STPG2: variants seen among roughly 807,000 people sequenced by gnomAD.
The protein encoded by STPG2 is sperm tail PG-rich repeat containing 2, also known as sperm-tail PG-rich repeat-containing protein 2.
Under a neutral mutation model 54.2 loss-of-function variants are expected in STPG2, and 56 were observed. The observed-to-expected ratio is 1.03, with a 90% CI of 0.83 to 1.29. The LOEUF is 1.29. STPG2 is among the 50% of genes most tolerant of loss of function. STPG2 has a pLI of 0.00. For synonymous variants in STPG2, 200 were observed against 181.8 expected, an observed-to-expected ratio of 1.10 and a Z score of -0.81; for missense variants, 596 against 544.9, an observed-to-expected ratio of 1.09 and a Z score of -0.93.
At position 97,992,287 on chromosome 4, in the gene STPG2, A is replaced by T. The variant is rs6532710; in HGVS notation, c.613-10969T>A. Among the ~76,000 whole-genome samples, 272 of 152,048 alleles carry T rather than the reference A, an allele frequency of 1.8e-3. 1 individual carries two copies. The highest frequency in any genetic ancestry group is 7.7e-3 in the South Asian group (37 of 4,820). ...AGCAGATTTTTGTATACAATGAGAG[A>T]TGAGGATCCAGTTTCATTCATTCAC... On this transcript the variant is annotated intron_variant, in intron 5 of 10. Coordinates refer to ENST00000295268, the MANE Select transcript of STPG2 (RefSeq NM_174952.3).
intron 10 of STPG2, among the ~76,000 whole-genome samples, chr4:97,703,494 ATATACAG>A: frequency 7.1e-6 from 1 of 141,616 alleles, no homozygotes; most frequent in Non-Finnish European, 1.5e-5. Context: ...TATATATAGT[ATATACAG>A]TATATAGTAT....
At chr4:97,965,255 G>T (rs1734052048) in intron 7 of STPG2, among the ~76,000 whole-genome samples, 1 of 152,204 alleles carries the variant, frequency 6.6e-6, no homozygotes, top group South Asian at 2.1e-4. Context: ...AGAAATCTGA[G>T]ATCTACCTGC....
At chr4:97,523,413 C>T (rs1431813738) in intron 4 of STPG2, among the ~76,000 whole-genome samples, 1 of 151,874 alleles carries the variant, frequency 6.6e-6, no homozygotes, top group Non-Finnish European at 1.5e-5. Context: ...ATAATAGATC[C>T]TCAATAAATA....
chr4:97,818,329 A>G (rs1727978349), intron 9 of STPG2, among the ~76,000 whole-genome samples: 1 of 151,974 alleles, frequency 6.6e-6, no homozygotes, highest in Admixed American at 6.6e-5. Context: ...TTTTTCCTAT[A>G]TATACATATC....
intron 4 of STPG2, among the ~76,000 whole-genome samples, chr4:97,485,816 A>T (rs1259029326): frequency 6.6e-6 from 1 of 152,054 alleles, no homozygotes; most frequent in Non-Finnish European, 1.5e-5. Context: ...TAGTCACCAA[A>T]ACAGCATGGT....
At chr4:97,685,784 G>C (rs1560718465) in intron 10 of STPG2, among the ~76,000 whole-genome samples, 1 of 152,200 alleles carries the variant, frequency 6.6e-6, no homozygotes, top group Middle Eastern at 3.4e-3. Context: ...GCAGAACCTG[G>C]GGTTCTAATA....
chr4:97,589,774 C>G (rs903801774), intron 10 of STPG2, among the ~76,000 whole-genome samples: 5 of 152,116 alleles, frequency 3.3e-5, no homozygotes, highest in Admixed American at 2.0e-4. Flanking sequence ...ACAAGTGTAT[C>G]ATTTTTTAAT....
chr4:98,062,677 A>G (rs1380864482), intron 5 of STPG2, among the ~76,000 whole-genome samples: 1 of 152,170 alleles, frequency 6.6e-6, no homozygotes, highest in East Asian at 1.9e-4. Context: ...TTAAATTATT[A>G]GATTGGTGCA....
intron 9 of STPG2, among the ~76,000 whole-genome samples, chr4:97,817,139 T>C (rs898638437): frequency 6.7e-6 from 1 of 150,220 alleles, no homozygotes; most frequent in Admixed American, 6.7e-5. Flanking sequence ...ACCTTGGAAA[T>C]GTGTGACTTT....
At chr4:97,973,666 TG>T (rs1330193163) in intron 6 of STPG2, among the ~76,000 whole-genome samples, 2 of 152,190 alleles carry the variant, frequency 1.3e-5, no homozygotes, top group Non-Finnish European at 2.9e-5. Flanking sequence ...CCCAGGCTCC[TG>T]GTGCTATGTG....
At chr4:97,902,221 A>C (rs1056371919) in intron 8 of STPG2, among the ~76,000 whole-genome samples, 3 of 152,214 alleles carry the variant, frequency 2.0e-5, no homozygotes, top group Admixed American at 6.5e-5. Flanking sequence ...AGAGGGGGAA[A>C]GCTCTATGAC....
intron 9 of STPG2, among the ~76,000 whole-genome samples, chr4:97,831,969 G>A (rs1331063987): frequency 6.6e-6 from 1 of 152,138 alleles, no homozygotes; most frequent in East Asian, 1.9e-4. Context: ...CATTCCTTCT[G>A]AAACTATTGC....
At chr4:97,700,258 C>A (rs1472837661) in intron 10 of STPG2, among the ~76,000 whole-genome samples, 1 of 152,170 alleles carries the variant, frequency 6.6e-6, no homozygotes, top group African/African-American at 2.4e-5. Flanking sequence ...AGTGGCAGAG[C>A]AGCTTGTACA....
intron 3 of STPG2, among the ~76,000 whole-genome samples, chr4:98,114,499 G>A (rs892495385): frequency 6.6e-6 from 1 of 151,954 alleles, no homozygotes; most frequent in African/African-American, 2.4e-5. Context: ...TTAAAATACA[G>A]CATTTTGATG....
chr4:97,935,365 C>T (rs541352749), intron 8 of STPG2, among the ~76,000 whole-genome samples: 13 of 152,160 alleles, frequency 8.5e-5, no homozygotes, highest in Non-Finnish European at 1.5e-4. Context: ...AATAATTTTT[C>T]GCATCTCCAT....
intron 9 of STPG2, among the ~76,000 whole-genome samples, chr4:97,814,362 T>C (rs1409336333): frequency 6.6e-6 from 1 of 152,138 alleles, no homozygotes; most frequent in African/African-American, 2.4e-5. Context: ...AGAGTCTCAC[T>C]CTGTCACCCA....
At chr4:97,956,351 TATA>T (rs1332953466) in intron 7 of STPG2, among the ~76,000 whole-genome samples, 2 of 152,116 alleles carry the variant, frequency 1.3e-5, no homozygotes, top group African/African-American at 4.8e-5. Flanking sequence ...TTTATTTGAT[TATA>T]ATATTTGATT....
At chr4:98,025,420 C>T in intron 5 of STPG2, 1 of 431,564 alleles carries the variant, frequency 2.3e-6, no homozygotes, top group Non-Finnish European at 4.5e-6. Flanking sequence ...ATAAGGCCTG[C>T]TTTAAGAGAT....
chr4:97,972,148 C>T, intron 7 of STPG2, 132 bp downstream of exon 7: 1 of 532,516 alleles, frequency 1.9e-6, no homozygotes. Flanking sequence ...CTCCTACTTT[C>T]CTTAACATAT....
Sources: allele counts gnomAD v4.1 joint callset (sites outside exome capture counted in the v4.1 genomes callset), GRCh38; gene constraint gnomAD v4.1.1; transcripts MANE v1.5; gene names NCBI Gene and HGNC (gene_info 2026-07-23, HGNC 2026-07-21).